The following ENG variants were observed in gnomAD, a reference collection of about 807,000 sequenced individuals.
ENG encodes CD105 antigen.
A neutral mutation model predicts 71.0 loss-of-function variants in ENG; 17 were observed. The ratio of observed to expected loss-of-function variants is 0.24; its 90% CI spans 0.16 to 0.36. The LOEUF (loss-of-function observed/expected upper bound fraction) is 0.36, where lower values mean the gene tolerates loss of function less well. Ranked by LOEUF, ENG falls within the 10% of genes least tolerant of loss-of-function variation. ENG has a pLI of 1.00. For missense variants in ENG, 749 were observed against 868.3 expected (o/e 0.86, Z 1.73); for synonymous variants, 360 against 366.9 (o/e 0.98, Z 0.21).
chr9:127,843,475 G>A (rs1036079447), intron 1 of ENG, among the ~76,000 whole-genome samples: 4 of 151,752 alleles, frequency 2.6e-5, no homozygotes, highest in South Asian at 4.2e-4. Context: ...GTATAGGGTC[G>A]ATGAATAGAA....
intron 10 of ENG, 25 bp downstream of exon 10, chr9:127,819,597 G>T (rs1830423538): frequency 1.2e-6 from 2 of 1,612,592 alleles, no homozygotes; most frequent in Non-Finnish European, 1.7e-6. Flanking sequence ...GGCCAGGTGG[G>T]TTAGCACGTG....
At chr9:127,825,089 T>C (rs1830574297) in intron 6 of ENG, 115 bp from the exon 7 acceptor site, 1 of 1,588,978 alleles carries the variant, frequency 6.3e-7, no homozygotes, top group Non-Finnish European at 8.6e-7. Flanking sequence ...CTGCTGCGTC[T>C]TCTGCCTGGC....
Position 127,825,015 on chromosome 9 carries a change from C to CA in ENG, c.817-42dup, listed in dbSNP as rs772901937. 4 of 1,602,866 alleles carry CA rather than the reference C, an allele frequency of 2.5e-6. No individual in the cohort carries two copies. The African/African-American group carries it at 5.3e-5, about 21-fold the overall frequency. ...GAGGCAGAACAGGGGGCCATGGACACAGTCTGTGCCACAGCAGGCCAGCCA... is the reference window on the plus strand; with the variant it reads ...GAGGCAGAACAGGGGGCCATGGACACAAGTCTGTGCCACAGCAGGCCAGCCA... On this transcript the variant is annotated intron_variant, in intron 6 of 14. Transcript: ENST00000373203.
chr9:127,829,796 G>A lies in ENG; in HGVS notation c.251C>T (p.Ala84Val), dbSNP rs1363974322. The A allele has an allele frequency of 6.2e-7, 1 of 1,614,104 alleles. No homozygotes were observed. The highest frequency in any genetic ancestry group is 8.5e-7 in the Non-Finnish European group (1 of 1,180,032). ...GGGCCAGGTGCCATTTTGCTTGGAT[G>A]CCTGGAGAGTCAGCTCCAGCTGTGA... ...GPSQLELTLQ[A>V]SKQNGTWPRE... The change falls in exon 3 of 15, where the codon GCA (alanine) becomes GTA (valine). Residue 84 changes from alanine to valine, a missense_variant. Coordinates refer to ENST00000373203, the MANE Select transcript of ENG (RefSeq NM_001114753.3).
rs1352296593 is a variant in ENG, at chr9:127,815,645, T to G, written c.*37A>C. ...ACCAGTGCTCCCAGCTGGCGGCTGC[T>G]CAGTCTCTCCTGCTGGGCGAGCGCG... On this transcript the variant is annotated 3_prime_UTR_variant, in exon 15 of 15. Coordinates refer to ENST00000373203, the MANE Select transcript of ENG (RefSeq NM_001114753.3). 6.5e-7 allele frequency: 1 copy of G among 1,542,226 alleles called. No individual in the cohort carries two copies. The highest frequency in any genetic ancestry group is 1.4e-5 in the African/African-American group (1 of 73,410).
At chr9:127,825,426 G>A (rs948301971) in intron 5 of ENG, 69 bp from the exon 6 acceptor site, 38 of 1,597,148 alleles carry the variant, frequency 2.4e-5, no homozygotes, top group South Asian at 3.3e-5. Flanking sequence ...GCCTGGCGTC[G>A]GGTGGGCGGC....
At chr9:127,844,277 C>T (rs1831118788) in intron 1 of ENG, among the ~76,000 whole-genome samples, 1 of 151,808 alleles carries the variant, frequency 6.6e-6, no homozygotes, top group South Asian at 2.1e-4. Context: ...AGGCATGCAC[C>T]ACCATGCCTG....
intron 10 of ENG, 78 bp downstream of exon 10, chr9:127,819,544 C>T (rs1452963051): frequency 1.3e-6 from 2 of 1,597,732 alleles, no homozygotes; most frequent in Non-Finnish European, 1.7e-6. Context: ...AGGCCTGCTC[C>T]CTCCCAGGCC....
rs1223237842 is a variant in ENG at position 127,838,004 on chromosome 9, T to C, written c.219+5090A>G. Among the ~76,000 whole-genome samples, 1 of 152,052 alleles carries C rather than the reference T, an allele frequency of 6.6e-6. No homozygotes were observed. The highest frequency in any genetic ancestry group is 2.4e-5 in the African/African-American group (1 of 41,390). Reference sequence around the variant, plus strand: ...AAATGGCAGCCTCTGGCCCCAGTGCTTTCTCCTTCTCATCACTGTGGTTCT... The same window carrying C: ...AAATGGCAGCCTCTGGCCCCAGTGCCTTCTCCTTCTCATCACTGTGGTTCT... On this transcript the variant is annotated intron_variant, in intron 2 of 14. Transcript: ENST00000373203. The surrounding 1 kb of genome is among the most constrained non-coding windows in gnomAD (Gnocchi z 4.3).
At chr9:127,820,164 C>T in intron 8 of ENG, 127 bp from the exon 9 acceptor site, 1 of 1,326,540 alleles carries the variant, frequency 7.5e-7, no homozygotes, top group Non-Finnish European at 1.0e-6. Flanking sequence ...CCTGCTCCCT[C>T]TTCATTTTTG....
intron 13 of ENG, chr9:127,816,261 G>A: frequency 3.1e-6 from 2 of 653,446 alleles, no homozygotes; most frequent in Non-Finnish European, 5.4e-6. Context: ...CCACCTAGAG[G>A]GCCCAGCCAG....
chr9:127,816,484 A>T (rs1232303758), intron 13 of ENG: 2 of 314,526 alleles, frequency 6.4e-6, no homozygotes, highest in Admixed American at 4.1e-5. Flanking sequence ...CTGCTCTTGG[A>T]TTGCTCCAAG....
chr9:127,824,305 G>T lies in ENG; in HGVS notation c.1133C>A (p.Ala378Glu). 6.2e-7 allele frequency: 1 copy of T among 1,613,932 alleles called. No individual in the cohort carries two copies. The highest frequency in any genetic ancestry group is 8.5e-7 in the Non-Finnish European group (1 of 1,179,932). ...CCAGAGGGGCAGGAGTTCCCTTACC[G>T]CAACAAGCTCTTTCTTTAGTACCAG... ...MTLVLKKELVAHLKCTITGLT... is the reference protein window; with the variant it reads ...MTLVLKKELVEHLKCTITGLT... Residue 378 changes from alanine to glutamate, a missense_variant and splice_region_variant, in exon 8 of 15, where the codon GCG becomes GAG. Coordinates refer to ENST00000373203, the MANE Select transcript of ENG (RefSeq NM_001114753.3).
intron 14 of ENG, 48 bp downstream of exon 14, chr9:127,815,895 T>C: frequency 6.4e-7 from 1 of 1,570,124 alleles, no homozygotes; most frequent in African/African-American, 1.3e-5. Context: ...CTCCCCCGGG[T>C]GGATGGAGGG....
At chr9:127,822,881 C>T (rs1034288176) in intron 8 of ENG, among the ~76,000 whole-genome samples, 1 of 152,200 alleles carries the variant, frequency 6.6e-6, no homozygotes, top group African/African-American at 2.4e-5. Context: ...CGCTCTGTCG[C>T]CCAGGCTGGA....
At chr9:127,853,090 G>A (rs2131934644) in intron 1 of ENG, among the ~76,000 whole-genome samples, 1 of 152,256 alleles carries the variant, frequency 6.6e-6, no homozygotes, top group Middle Eastern at 3.4e-3. Flanking sequence ...CGCATTAAGA[G>A]GGTTCGCCCT....
At chr9:127,848,738 C>T (rs972777992) in intron 1 of ENG, among the ~76,000 whole-genome samples, 1 of 152,206 alleles carries the variant, frequency 6.6e-6, no homozygotes, top group African/African-American at 2.4e-5. Context: ...TGTGTCTGCA[C>T]TCCCAGCAGA....
At chr9:127,816,337 G>A in intron 13 of ENG, 1 of 519,042 alleles carries the variant, frequency 1.9e-6, no homozygotes, top group Non-Finnish European at 3.5e-6. Context: ...AGGATGGATG[G>A]GGTAACGTGA....
intron 2 of ENG, among the ~76,000 whole-genome samples, chr9:127,841,645 C>T (rs1455925554): frequency 6.6e-6 from 1 of 152,228 alleles, no homozygotes; most frequent in Non-Finnish European, 1.5e-5. Context: ...TTTCTTATCA[C>T]TGCACAAACG....
Sources: gnomAD v4.1 joint callset for allele counts (sites outside exome capture counted in the v4.1 genomes callset) on GRCh38, gnomAD v4.1.1 for gene constraint, Gnocchi (gnomAD v3.1) non-coding constraint, MANE v1.5 for transcripts, NCBI Gene and HGNC (gene_info 2026-07-23, HGNC 2026-07-21) for gene names.